Variants in BCL11A observed in about 807,000 individuals in gnomAD.
The protein encoded by BCL11A is B cell CLL/lymphoma 11A.
A neutral mutation model predicts 55.9 loss-of-function variants in BCL11A; 2 were observed. That is an observed-to-expected ratio of 0.04 (90% CI 0.01 to 0.11). The LOEUF (loss-of-function observed/expected upper bound fraction) is 0.11, where lower values mean the gene tolerates loss of function less well. Among genes scored for constraint, BCL11A ranks in the 10% least tolerant of loss-of-function variants. The pLI is 1.00. For missense variants in BCL11A, 817 were observed against 1,137.1 expected, an observed-to-expected ratio of 0.72 and a Z score of 4.05; for synonymous variants, 465 against 473.4, an observed-to-expected ratio of 0.98 and a Z score of 0.23.
chr2:60,551,279 C>G (rs953817506), intron 1 of BCL11A, among the ~76,000 whole-genome samples: 11 of 152,264 alleles, frequency 7.2e-5, no homozygotes, highest in Non-Finnish European at 1.5e-4. Flanking sequence ...GCCACCACCA[C>G]CAGCTCTTAT....
intron 2 of BCL11A, among the ~76,000 whole-genome samples, chr2:60,496,967 TG>T (rs776200113): frequency 1.2e-4 from 18 of 152,234 alleles, no homozygotes; most frequent in Non-Finnish European, 2.2e-4. Context: ...ACTTAATTTC[TG>T]TCTTCACGAT....
At chr2:60,483,711 A>G (rs921620252) in intron 2 of BCL11A, among the ~76,000 whole-genome samples, 1 of 152,200 alleles carries the variant, frequency 6.6e-6, no homozygotes, top group Non-Finnish European at 1.5e-5. Flanking sequence ...AAAACAGAAG[A>G]TGTATCTGGA....
At chr2:60,481,531 G>A (rs1207556156) in intron 2 of BCL11A, among the ~76,000 whole-genome samples, 1 of 152,146 alleles carries the variant, frequency 6.6e-6, no homozygotes, top group African/African-American at 2.4e-5. Flanking sequence ...AAGCTGGCAG[G>A]TGAAGGAGGA....
At chr2:60,500,449 T>A (rs567628535) in intron 2 of BCL11A, among the ~76,000 whole-genome samples, 191 of 152,110 alleles carry the variant, frequency 1.3e-3, no homozygotes, top group African/African-American at 3.9e-3. Flanking sequence ...GCCAGAGCAA[T>A]CATCCCAGCA....
intron 2 of BCL11A, among the ~76,000 whole-genome samples, chr2:60,518,381 C>CTACTTAG (rs1354360305): frequency 6.6e-6 from 1 of 152,198 alleles, no homozygotes; most frequent in Non-Finnish European, 1.5e-5. Context: ...AATTTGGCTA[C>CTACTTAG]TACTTAGTAC....
At chr2:60,468,605 T>C in intron 3 of BCL11A, 127 bp downstream of exon 3, 1 of 654,750 alleles carries the variant, frequency 1.5e-6, no homozygotes, top group Non-Finnish European at 2.6e-6. Context: ...AAGTGAGTAA[T>C]GGAATAATAC....
exon 5 of BCL11A, chr2:60,451,538 G>A (rs1272452678): frequency 4.3e-6 from 1 of 231,498 alleles, no homozygotes; most frequent in Non-Finnish European, 8.5e-6. Flanking sequence ...CTGTTCTGAT[G>A]TGAACTTCTT....
chr2:60,517,315 G>A (rs577132308), intron 2 of BCL11A, among the ~76,000 whole-genome samples: 1 of 152,282 alleles, frequency 6.6e-6, no homozygotes, highest in African/African-American at 2.4e-5. Flanking sequence ...GGCACACCAT[G>A]TAAACCCCAG....
intron 2 of BCL11A, among the ~76,000 whole-genome samples, chr2:60,471,629 G>A (rs1677203070): frequency 6.6e-6 from 1 of 152,230 alleles, no homozygotes; most frequent in Non-Finnish European, 1.5e-5. Flanking sequence ...TGGGGAAAAG[G>A]AGCTGCCCCT....
chr2:60,456,929 G>A (rs1368151316), downstream of BCL11A, among the ~76,000 whole-genome samples: 2 of 152,138 alleles, frequency 1.3e-5, no homozygotes, highest in Non-Finnish European at 2.9e-5. Flanking sequence ...AAGAGATGGA[G>A]TAAGTTTTTA....
At chr2:60,501,418 A>G (rs541068331) in intron 2 of BCL11A, among the ~76,000 whole-genome samples, 2 of 152,190 alleles carry the variant, frequency 1.3e-5, no homozygotes, top group East Asian at 3.9e-4. Context: ...TCACTTCCAA[A>G]TACTTTACCT....
At chr2:60,453,465 C>G (rs556186570), downstream of BCL11A, among the ~76,000 whole-genome samples, 1 of 152,292 alleles carries the variant, frequency 6.6e-6, no homozygotes, top group Non-Finnish European at 1.5e-5. Context: ...CTGGGGCCTC[C>G]TCTCCCCTGA....
At chr2:60,538,886 T>C (rs1028490790) in intron 2 of BCL11A, among the ~76,000 whole-genome samples, 1 of 152,120 alleles carries the variant, frequency 6.6e-6, no homozygotes, top group Non-Finnish European at 1.5e-5. Context: ...ACTGTGGCTA[T>C]TTAAAATTTT....
At chr2:60,480,045 G>A (rs773772423) in intron 2 of BCL11A, among the ~76,000 whole-genome samples, 2 of 152,166 alleles carry the variant, frequency 1.3e-5, no homozygotes, top group Non-Finnish European at 2.9e-5. Context: ...GCTGACTTTG[G>A]CGGCTCCTCC....
At chr2:60,545,165 C>T (rs1424266326) in intron 2 of BCL11A, 2 of 152,260 alleles carry the variant, frequency 1.3e-5, no homozygotes, top group Non-Finnish European at 1.5e-5. Flanking sequence ...ACATCAGAGA[C>T]AAGAGAGAGC....
chr2:60,461,451 T>G lies in BCL11A; in HGVS notation c.1461A>C (p.Glu487Asp). The G allele has an allele frequency of 6.2e-7, 1 of 1,604,430 alleles. No homozygotes were observed. The highest frequency in any genetic ancestry group is 8.5e-7 in the Non-Finnish European group (1 of 1,179,376). The part of the protein sequence containing the change: ...NLIPENGDEE[E>D]EEDDEEEEEE... Reference sequence around the variant, plus strand: ...CTTCCTCTTCCTCGTCGTCCTCCTCTTCCTCCTCGTCCCCGTTCTCCGGGA... The same window carrying G: ...CTTCCTCTTCCTCGTCGTCCTCCTCGTCCTCCTCGTCCCCGTTCTCCGGGA... Residue 487 changes from glutamate (E) to aspartate (D), a missense_variant, in exon 4 of 4, where the codon GAA becomes GAC. Physicochemically the swap from Glu to Asp is conservative, Grantham distance 45. Around this residue, in one of 4 missense-constraint regions of BCL11A, gnomAD observed 379 missense variants for 425.3 expected, o/e 0.89. Transcript: ENST00000642384.
rs774916935 is a variant in BCL11A at position 60,460,973 on chromosome 2, C to T, written c.1939G>A (p.Ala647Thr). 3.7e-6 allele frequency: 6 copies of T among 1,610,210 alleles called. No homozygotes were observed. In the South Asian group the frequency reaches 6.6e-5, roughly 18 times the overall value. The change falls in exon 4 of 4, where the codon GCC becomes ACC. Residue 647 changes from alanine to threonine, a missense_variant. Physicochemically the swap from Ala to Thr is moderately conservative, Grantham distance 58. Around this residue, in one of 4 missense-constraint regions of BCL11A, gnomAD observed 379 missense variants for 425.3 expected, o/e 0.89. Coordinates refer to ENST00000642384, the MANE Select transcript of BCL11A (RefSeq NM_022893.4). Reference sequence around the variant, plus strand: ...ACGTTCTCCGTGTTGGGCATCGCGGCCGGGGGCAGGTCGAACTCCTTCTCG... The same window carrying T: ...ACGTTCTCCGTGTTGGGCATCGCGGTCGGGGGCAGGTCGAACTCCTTCTCG... Reference protein sequence around the residue: ...KLEKEFDLPPAAMPNTENVYS... With the variant: ...KLEKEFDLPPTAMPNTENVYS...
In BCL11A at chr2:60,459,968, C is replaced by G; in HGVS notation, c.*436G>C. 1 of 1,065,382 alleles carries G rather than the reference C, an allele frequency of 9.4e-7. No homozygotes were observed. The highest frequency in any genetic ancestry group is 1.1e-6 in the Non-Finnish European group (1 of 879,654). 66.0% of individuals were successfully genotyped at this position (1,065,382 alleles called of 1,614,324 possible). A position where few individuals can be genotyped will look rare whatever the true frequency, so the allele number is the denominator to read the frequency against. ...TCTCTCTTTTTCTCTCAGAACGGAACTGGAAACAGCAACATGTTTGCTCAG... is the reference window on the plus strand; with the variant it reads ...TCTCTCTTTTTCTCTCAGAACGGAAGTGGAAACAGCAACATGTTTGCTCAG... On this transcript the variant is annotated 3_prime_UTR_variant, in exon 4 of 4. Transcript: ENST00000642384.
intron 3 of BCL11A, among the ~76,000 whole-genome samples, chr2:60,463,469 A>G (rs1181876215): frequency 5.3e-5 from 8 of 152,234 alleles, no homozygotes; most frequent in Admixed American, 4.6e-4. Flanking sequence ...CCAGTTGAGA[A>G]AGAAACAGAA....
Sources: allele counts gnomAD v4.1 joint callset (sites outside exome capture counted in the v4.1 genomes callset), GRCh38; gene constraint gnomAD v4.1.1; regional missense constraint gnomAD v4.1.1; transcripts MANE v1.5; gene names NCBI Gene and HGNC (gene_info 2026-07-23, HGNC 2026-07-21).